MGLL: variants seen among roughly 807,000 people sequenced by gnomAD.
MGLL encodes the protein monoglyceride lipase, also known as lysophospholipase homolog.
MGLL carries 7 observed loss-of-function variants against 29.1 expected under a neutral mutation model. The observed-to-expected ratio is 0.24, with a 90% confidence interval of 0.14 to 0.45. The LOEUF (loss-of-function observed/expected upper bound fraction) is 0.45. MGLL is among the 20% of genes least tolerant of loss of function. The probability of loss-of-function intolerance (pLI) is 0.99; values close to 1 mark genes in which losing one functional copy is unlikely to be tolerated. For missense variants in MGLL, 356 were observed against 413.6 expected, an observed-to-expected ratio of 0.86 and a Z score of 1.21; for synonymous variants, 148 against 168.3, an observed-to-expected ratio of 0.88 and a Z score of 0.93.
chr3:127,690,249 G>GCTTTCT lies in MGLL; in HGVS notation c.*1943_*1948dup. 6.6e-6 allele frequency: 1 copy of GCTTTCT among 152,314 alleles called. No individual in the cohort carries two copies. The highest frequency in any genetic ancestry group is 1.5e-5 in the Non-Finnish European group (1 of 68,042). 9.4% of individuals were successfully genotyped at this position (152,314 alleles called of 1,614,324 possible). A position where few individuals can be genotyped will look rare whatever the true frequency, so the allele number is the denominator to read the frequency against. ...GGGGCTGACTAAGCAGGCGGGGCTGGCTTTCTCAGTGCATATTTTACATTT... is the reference window on the plus strand; with the variant it reads ...GGGGCTGACTAAGCAGGCGGGGCTGGCTTTCTCTTTCTCAGTGCATATTTTACATTT... On this transcript the variant is annotated 3_prime_UTR_variant, in exon 8 of 8. Coordinates refer to ENST00000265052, the MANE Select transcript of MGLL (RefSeq NM_007283.7).
At chr3:127,752,911 C>T (rs1055966862) in intron 3 of MGLL, among the ~76,000 whole-genome samples, 8 of 152,120 alleles carry the variant, frequency 5.3e-5, no homozygotes, top group African/African-American at 1.9e-4. Context: ...ACTGAAGTGG[C>T]TATATTTTTC....
intron 5 of MGLL, among the ~76,000 whole-genome samples, chr3:127,719,065 A>G (rs1005476564): frequency 6.6e-6 from 1 of 152,212 alleles, no homozygotes; most frequent in Non-Finnish European, 1.5e-5. Flanking sequence ...GTCTTGGTTA[A>G]TAAGAGGAGA....
chr3:127,754,681 G>A (rs6803366), intron 3 of MGLL, among the ~76,000 whole-genome samples: 4 of 152,010 alleles, frequency 2.6e-5, no homozygotes, highest in African/African-American at 7.2e-5. Context: ...AGGCTGGGTC[G>A]GGCAGGAGGA....
chr3:127,764,995 G>A (rs754508757), intron 3 of MGLL, among the ~76,000 whole-genome samples: 1 of 152,212 alleles, frequency 6.6e-6, no homozygotes, highest in Non-Finnish European at 1.5e-5. Flanking sequence ...TAGCAAATAA[G>A]TGGTTAAACT....
intron 3 of MGLL, among the ~76,000 whole-genome samples, chr3:127,750,990 A>AG (rs1473913571): frequency 6.6e-6 from 1 of 152,146 alleles, no homozygotes; most frequent in Non-Finnish European, 1.5e-5. Flanking sequence ...GAGTGTGTGG[A>AG]GGGACCAGAG....
chr3:127,800,740 A>G (rs2077461613), intron 2 of MGLL, among the ~76,000 whole-genome samples: 1 of 152,204 alleles, frequency 6.6e-6, no homozygotes, highest in Non-Finnish European at 1.5e-5. Context: ...CAAAAGCCCT[A>G]GCAAGCCAAG....
chr3:127,691,880 C>T lies in MGLL; in HGVS notation c.*318G>A. The T allele has an allele frequency of 2.8e-6, 1 of 357,914 alleles. No individual in the cohort carries two copies. The highest frequency in any genetic ancestry group is 7.2e-5 in the East Asian group (1 of 13,924). 22.2% of individuals were successfully genotyped at this position (357,914 alleles called of 1,614,324 possible). ...CTGGGAACACCAGGAATTCCTGGAA[C>T]CCTTGTGGGAGCTGGGAGAGGCAGG... is the stretch of plus-strand genomic sequence containing the variant. On this transcript the variant is annotated 3_prime_UTR_variant, in exon 8 of 8. Coordinates refer to ENST00000265052, the MANE Select transcript of MGLL (RefSeq NM_007283.7).
intron 5 of MGLL, among the ~76,000 whole-genome samples, chr3:127,719,426 C>T (rs897091971): frequency 2.6e-5 from 4 of 152,260 alleles, no homozygotes; most frequent in African/African-American, 9.6e-5. Context: ...GCCAGCCATT[C>T]ATCTTTCCTA....
chr3:127,731,673 T>C (rs2076153400), intron 3 of MGLL, among the ~76,000 whole-genome samples: 2 of 152,198 alleles, frequency 1.3e-5, no homozygotes, highest in East Asian at 3.9e-4. Flanking sequence ...ACCTGCTCAC[T>C]GCACCTCACC....
At chr3:127,820,883 A>G (rs2077847161) in intron 2 of MGLL, among the ~76,000 whole-genome samples, 1 of 152,222 alleles carries the variant, frequency 6.6e-6, no homozygotes, top group African/African-American at 2.4e-5. Flanking sequence ...TGATGAAGAC[A>G]GAGAAGAAAT....
At chr3:127,758,991 A>G (rs1296928047) in intron 3 of MGLL, among the ~76,000 whole-genome samples, 1 of 138,760 alleles carries the variant, frequency 7.2e-6, no homozygotes, top group Admixed American at 8.1e-5. Context: ...GGTGTGATCT[A>G]GGCTCACTGC....
At chr3:127,726,288 AAGGAAGGG>A (rs201674657) in intron 3 of MGLL, among the ~76,000 whole-genome samples, 35,821 of 90,650 alleles carry the variant, frequency 0.4, 5,332 homozygotes, top group Middle Eastern at 0.56. Context: ...GAGAGGAAGG[AAGGAAGGG>A]AGGGAGGGAG....
intron 3 of MGLL, among the ~76,000 whole-genome samples, chr3:127,726,205 AGACAGAAG>A (rs2076041524): frequency 2.6e-5 from 3 of 117,598 alleles, no homozygotes; most frequent in Non-Finnish European, 6.0e-5. Flanking sequence ...AAAGAAAGAA[AGACAGAAG>A]GAAGGAAAGA....
intron 2 of MGLL, among the ~76,000 whole-genome samples, chr3:127,816,580 C>A (rs753708668): frequency 6.6e-6 from 1 of 152,148 alleles, no homozygotes; most frequent in Admixed American, 6.5e-5. Flanking sequence ...TACGAGGACG[C>A]AAGAAGGGGG....
chr3:127,764,597 A>G, intron 3 of MGLL, among the ~76,000 whole-genome samples: 1 of 152,194 alleles, frequency 6.6e-6, no homozygotes, highest in East Asian at 1.9e-4. Context: ...GGTTCAAGGC[A>G]ACGTCTGAAA....
Position 127,737,630 on chromosome 3 carries a change from C to CTT in MGLL, c.263-15066_263-15065dup, listed in dbSNP as rs774965066. 5.6e-3 allele frequency among the ~76,000 whole-genome samples: 386 copies of CTT among 68,586 alleles called. 29 individuals are homozygous for CTT. The highest frequency in any genetic ancestry group is 7.3e-3 in the Non-Finnish European group (306 of 41,658). 45.0% of individuals were successfully genotyped at this position (68,586 alleles called of 152,430 possible). On this transcript the variant is annotated intron_variant, in intron 3 of 7. Coordinates refer to ENST00000265052, the MANE Select transcript of MGLL (RefSeq NM_007283.7). ...GACACAGTGAAATCATCAACTGCTT[C>CTT]TTTTTTTTTTTTTTTTTTTTTTTTT... is the stretch of plus-strand genomic sequence containing the variant.
intron 3 of MGLL, among the ~76,000 whole-genome samples, chr3:127,773,935 C>T (rs1036585909): frequency 1.3e-5 from 2 of 152,224 alleles, no homozygotes; most frequent in African/African-American, 2.4e-5. Context: ...CCCTCCCAGC[C>T]TGGCGGCCCA....
intron 2 of MGLL, among the ~76,000 whole-genome samples, chr3:127,820,498 T>G (rs2077839724): frequency 6.6e-6 from 1 of 152,226 alleles, no homozygotes; most frequent in Non-Finnish European, 1.5e-5. Context: ...ATTAAAAACT[T>G]CTATTTTCAA....
chr3:127,694,639 C>T (rs546517584), intron 7 of MGLL, among the ~76,000 whole-genome samples: 13 of 152,234 alleles, frequency 8.5e-5, no homozygotes, highest in Admixed American at 6.5e-4. Flanking sequence ...GGGCATCACA[C>T]GTGTCCTTGG....
Sources: gnomAD v4.1 joint callset for allele counts (sites outside exome capture counted in the v4.1 genomes callset) on GRCh38, gnomAD v4.1.1 for gene constraint, MANE v1.5 for transcripts, NCBI Gene and HGNC (gene_info 2026-07-23, HGNC 2026-07-21) for gene names.